ARHGEF37: variants seen among roughly 807,000 people sequenced by gnomAD.
The protein encoded by ARHGEF37 is Rho guanine nucleotide exchange factor 37, also known as Rho guanine nucleotide exchange factor (GEF) 37.
In ARHGEF37, 55 loss-of-function variants were observed where a neutral mutation model predicts 71.1. The observed-to-expected ratio is 0.77, with a 90% CI of 0.62 to 0.97. The LOEUF (loss-of-function observed/expected upper bound fraction) is 0.97, where lower values mean the gene tolerates loss of function less well. Ranked by LOEUF, ARHGEF37 falls within the 50% of genes least tolerant of loss-of-function variation. The pLI is 0.00. For synonymous variants in ARHGEF37, 327 were observed against 350.6 expected, an observed-to-expected ratio of 0.93 and a Z score of 0.75; for missense variants, 765 against 836.8, an observed-to-expected ratio of 0.91 and a Z score of 1.06.
At chr5:149,612,375 G>A (rs545325578) in intron 4 of ARHGEF37, among the ~76,000 whole-genome samples, 5 of 152,254 alleles carry the variant, frequency 3.3e-5, no homozygotes, top group African/African-American at 9.6e-5. Context: ...CACCGTGTTA[G>A]CCAGGATGGT....
At chr5:149,582,415 C>G (rs1483297151) in intron 1 of ARHGEF37, among the ~76,000 whole-genome samples, 1 of 152,168 alleles carries the variant, frequency 6.6e-6, no homozygotes, top group East Asian at 1.9e-4. Flanking sequence ...GCTGTGCGTC[C>G]AGACAGCCAG....
At chr5:149,591,656 T>A (rs1292996420) in intron 1 of ARHGEF37, among the ~76,000 whole-genome samples, 1 of 152,254 alleles carries the variant, frequency 6.6e-6, no homozygotes, top group Non-Finnish European at 1.5e-5. Context: ...TTATGAATTT[T>A]TGACTGTAAG....
intron 12 of ARHGEF37, among the ~76,000 whole-genome samples, chr5:149,629,883 C>T (rs533424891): frequency 1.4e-4 from 21 of 152,310 alleles, no homozygotes; most frequent in African/African-American, 5.1e-4. Flanking sequence ...AACACCGGTA[C>T]ATGCTGCAGC....
At chr5:149,581,340 C>A (rs1763101056), upstream of ARHGEF37, 1 of 152,258 alleles carries the variant, frequency 6.6e-6, no homozygotes, top group Admixed American at 6.5e-5. Flanking sequence ...AGCCAGGGCA[C>A]GGTTCCGAGC....
intron 6 of ARHGEF37, 76 bp downstream of exon 6, chr5:149,618,382 G>T: frequency 6.3e-7 from 1 of 1,592,096 alleles, no homozygotes; most frequent in Non-Finnish European, 8.6e-7. Flanking sequence ...GTAGACAGGG[G>T]ACTTAGGCTC....
chr5:149,565,408 C>A (rs922655206), intron 1 of ARHGEF37, among the ~76,000 whole-genome samples: 10 of 152,168 alleles, frequency 6.6e-5, no homozygotes, highest in Non-Finnish European at 1.5e-4. Flanking sequence ...TAATGAGTGA[C>A]AGGCATAGGC....
chr5:149,612,759 G>C (rs921192536), intron 4 of ARHGEF37, among the ~76,000 whole-genome samples: 1 of 152,222 alleles, frequency 6.6e-6, no homozygotes, highest in African/African-American at 2.4e-5. Context: ...TTAAATGCCT[G>C]CGGCATTACT....
chr5:149,624,032 A>G lies in ARHGEF37; in HGVS notation c.1356A>G (p.Pro452=). ...CTTAGCTGCCCCACCACCACGTCCC[A>G]GAGCCTGCCTTCAGGAAGCTGGTGG... ...SMAQLPHHHV[P]EPAFRKLVED... is the part of the protein sequence containing the mutation. The change falls in exon 10 of 13, where the codon CCA becomes CCG. Residue 452 remains proline, a synonymous_variant. Coordinates refer to ENST00000333677, the MANE Select transcript of ARHGEF37 (RefSeq NM_001001669.3). 6.2e-7 allele frequency: 1 copy of G among 1,604,802 alleles called. No individual in the cohort carries two copies.
chr5:149,569,473 C>T (rs1462696013), intron 1 of ARHGEF37, among the ~76,000 whole-genome samples: 1 of 151,276 alleles, frequency 6.6e-6, no homozygotes, highest in East Asian at 1.9e-4. Flanking sequence ...GCACCTGTCA[C>T]CACGCCCGAC....
At chr5:149,625,553 C>T (rs1164628971) in intron 10 of ARHGEF37, among the ~76,000 whole-genome samples, 1 of 152,264 alleles carries the variant, frequency 6.6e-6, no homozygotes, top group Non-Finnish European at 1.5e-5. Flanking sequence ...CCTTCACAGC[C>T]TGATATCCGC....
chr5:149,554,928 C>T (rs566721778), intron 1 of ARHGEF37, among the ~76,000 whole-genome samples: 8 of 151,918 alleles, frequency 5.3e-5, no homozygotes, highest in African/African-American at 9.7e-5. Flanking sequence ...GTCAGGAGTT[C>T]GAGACCAGCT....
chr5:149,597,255 T>G (rs545032417), intron 1 of ARHGEF37, among the ~76,000 whole-genome samples: 1 of 152,116 alleles, frequency 6.6e-6, no homozygotes, highest in East Asian at 1.9e-4. Flanking sequence ...TCAAGAATTA[T>G]CTATTAAAAA....
At chr5:149,565,417 G>A (rs1334921783) in intron 1 of ARHGEF37, among the ~76,000 whole-genome samples, 1 of 152,170 alleles carries the variant, frequency 6.6e-6, no homozygotes, top group African/African-American at 2.4e-5. Context: ...ACAGGCATAG[G>A]CAGCAGGGGA....
chr5:149,559,623 A>T (rs1245306881), intron 1 of ARHGEF37, among the ~76,000 whole-genome samples: 5 of 152,206 alleles, frequency 3.3e-5, no homozygotes, highest in Admixed American at 2.6e-4. Context: ...ATTTCTAGAA[A>T]TGCTACTCTT....
chr5:149,571,768 AAGTT>A (rs1762968427), intron 1 of ARHGEF37, among the ~76,000 whole-genome samples: 2 of 151,866 alleles, frequency 1.3e-5, no homozygotes, highest in Non-Finnish European at 2.9e-5. Flanking sequence ...AAAAAATAAA[AAGTT>A]AGCTGGGTAT....
upstream of ARHGEF37, among the ~76,000 whole-genome samples, chr5:149,579,314 T>G (rs755858): frequency 0.024 from 3,678 of 152,250 alleles, 88 homozygotes; most frequent in East Asian, 0.1. Context: ...GGAAGTCTGA[T>G]CTAGGAATCA....
chr5:149,552,018 C>T (rs1353176920), exon 1 of ARHGEF37: 2 of 152,126 alleles, frequency 1.3e-5, no homozygotes, highest in East Asian at 3.9e-4. Flanking sequence ...GTTATAGACC[C>T]TCTTTCCACA....
chr5:149,621,843 G>C lies in ARHGEF37; in HGVS notation c.1116G>C (p.Glu372Asp). The change falls in exon 9 of 13, where the codon GAG (glutamate) becomes GAC (aspartate). Residue 372 changes from glutamate (E) to aspartate (D), a missense_variant. By Grantham distance (45) the Glu-to-Asp change is conservative (BLOSUM62 2). This residue lies in a region of ARHGEF37 where 390 missense variants were observed against 407.4 expected (regional missense o/e 0.96). Coordinates refer to ENST00000333677, the MANE Select transcript of ARHGEF37 (RefSeq NM_001001669.3). ...GTCTGGACAAGCTACTGGACTTTGA[G>C]CGGGTGGAAGAGAAGCTGCTGGAGG... ...KKRLDKLLDF[E>D]RVEEKLLEVG... 6.2e-7 allele frequency: 1 copy of C among 1,614,254 alleles called. No homozygotes were observed. Among genetic ancestry groups the C allele is most frequent in the Non-Finnish European group, 8.5e-7 (1 of 1,180,046 alleles).
chr5:149,614,743 T>C (rs548109960), intron 4 of ARHGEF37, among the ~76,000 whole-genome samples: 1 of 152,346 alleles, frequency 6.6e-6, no homozygotes, highest in East Asian at 1.9e-4. Context: ...TGGGTAATCC[T>C]GCCCCCTGCA....
Sources: gnomAD v4.1 joint callset for allele counts (sites outside exome capture counted in the v4.1 genomes callset) on GRCh38, gnomAD v4.1.1 for gene constraint, gnomAD v4.1.1 regional missense constraint, MANE v1.5 for transcripts, NCBI Gene and HGNC (gene_info 2026-07-23, HGNC 2026-07-21) for gene names.